COL5A2: variants seen among roughly 807,000 people sequenced by gnomAD.
The protein encoded by COL5A2 is collagen alpha-2(V) chain.
COL5A2 carries 23 observed loss-of-function variants against 208.2 expected under a neutral mutation model. The observed-to-expected ratio is 0.11, with a 90% CI of 0.08 to 0.16. The LOEUF (loss-of-function observed/expected upper bound fraction) is 0.16, where lower values mean the gene tolerates loss of function less well. Ranked by LOEUF, COL5A2 falls within the 10% of genes least tolerant of loss-of-function variation. The pLI is 1.00. For synonymous variants in COL5A2, 625 were observed against 628.5 expected (o/e 0.99, Z 0.08); for missense variants, 1,590 against 1,956.4 (o/e 0.81, Z 3.53).
the COL5A2 span, among the ~76,000 whole-genome samples, chr2:189,380,294 A>G: frequency 2.6e-5 from 4 of 152,048 alleles, no homozygotes; most frequent in African/African-American, 9.7e-5. Context: ...ATTGTCACAC[A>G]TAAAGTTTTT....
intron 18 of COL5A2, among the ~76,000 whole-genome samples, chr2:189,070,549 A>G (rs1686251776): frequency 6.6e-6 from 1 of 152,206 alleles, no homozygotes; most frequent in Non-Finnish European, 1.5e-5. Context: ...TCAGTAGCCA[A>G]CAACCAGTAC....
the COL5A2 span, among the ~76,000 whole-genome samples, chr2:189,354,952 T>A: frequency 6.6e-6 from 1 of 152,240 alleles, no homozygotes; most frequent in Non-Finnish European, 1.5e-5. Context: ...CTGCTTTAAA[T>A]GTGTCCCAGA....
At chr2:189,267,296 C>T in the COL5A2 span, among the ~76,000 whole-genome samples, 1 of 151,932 alleles carries the variant, frequency 6.6e-6, no homozygotes, top group Non-Finnish European at 1.5e-5. Context: ...TATATTTTTC[C>T]AAAAATTCTT....
chr2:189,073,193 T>C (rs1163391685), intron 17 of COL5A2, among the ~76,000 whole-genome samples: 3 of 152,100 alleles, frequency 2.0e-5, no homozygotes, highest in Non-Finnish European at 4.4e-5. Flanking sequence ...CCTACAATAC[T>C]TTCTCTCTTT....
At chr2:189,161,185 A>G (rs1688356918) in intron 1 of COL5A2, among the ~76,000 whole-genome samples, 1 of 150,908 alleles carries the variant, frequency 6.6e-6, no homozygotes, top group Non-Finnish European at 1.5e-5. Flanking sequence ...GCTAGTTACT[A>G]TACATCTATC....
rs141644853 is a variant in COL5A2 at position 189,050,661 on chromosome 2, G to A, written c.2947C>T (p.Pro983Ser). Reference sequence around the variant, plus strand: ...TGCCCGGTCGTTCCAGCTGGACCAGGGGGGCCATCTGGACCCTAATGTTGA... The same window carrying A: ...TGCCCGGTCGTTCCAGCTGGACCAGAGGGGCCATCTGGACCCTAATGTTGA... ...EDGQPGPDGP[P>S]GPAGTTGQRG... The change falls in exon 43 of 54, where the codon CCT (proline) becomes TCT (serine). Residue 983 changes from proline to serine, a missense_variant. By Grantham distance (74) the Pro-to-Ser change is moderately conservative. Coordinates refer to ENST00000374866, the MANE Select transcript of COL5A2 (RefSeq NM_000393.5). 131 of 1,552,118 alleles carry A rather than the reference G, an allele frequency of 8.4e-5. No homozygotes were observed. The African/African-American group carries it at 1.6e-3, about 19-fold the overall frequency.
chr2:189,325,068 C>CA, the COL5A2 span, among the ~76,000 whole-genome samples: 21,424 of 149,752 alleles, frequency 0.14, 1,942 homozygotes, highest in South Asian at 0.21. Context: ...ATCGCAAGGA[C>CA]AAAAAATCAA....
At chr2:189,316,569 A>C in the COL5A2 span, among the ~76,000 whole-genome samples, 1 of 152,104 alleles carries the variant, frequency 6.6e-6, no homozygotes, top group African/African-American at 2.4e-5. Flanking sequence ...AGAGAGAACA[A>C]CACAAACTGG....
intron 1 of COL5A2, among the ~76,000 whole-genome samples, chr2:189,194,467 A>G (rs866953570): frequency 2.7e-4 from 41 of 152,166 alleles, no homozygotes; most frequent in African/African-American, 9.9e-4. Context: ...TGCTTGACAT[A>G]ATGCTTTTTT....
rs896071072 is a variant in COL5A2, at chr2:189,179,693, C to A, written c.-89G>T. On this transcript the variant is annotated 5_prime_UTR_variant, in exon 1 of 54. Coordinates refer to ENST00000374866, the MANE Select transcript of COL5A2 (RefSeq NM_000393.5). Reference sequence around the variant, plus strand: ...ACCATGAAGTCAGCTGTGGGCTCTTCTTTCAGCACCAGCCCCAGGGCAGCC... The same window carrying A: ...ACCATGAAGTCAGCTGTGGGCTCTTATTTCAGCACCAGCCCCAGGGCAGCC... The A allele has an allele frequency of 3.2e-6, 5 of 1,543,888 alleles. No homozygotes were observed. Among genetic ancestry groups the A allele is most frequent in the Non-Finnish European group, 4.4e-6 (5 of 1,147,090 alleles).
chr2:189,147,303 C>T (rs961733931), intron 1 of COL5A2, among the ~76,000 whole-genome samples: 6 of 151,970 alleles, frequency 3.9e-5, no homozygotes, highest in Non-Finnish European at 8.8e-5. Context: ...GAACAGTAAG[C>T]CAAGACATAT....
At chr2:189,083,754 T>C (rs1686589946) in intron 12 of COL5A2, among the ~76,000 whole-genome samples, 1 of 152,150 alleles carries the variant, frequency 6.6e-6, no homozygotes, top group South Asian at 2.1e-4. Flanking sequence ...ATGTTCAATA[T>C]ACTTCTCTAG....
the COL5A2 span, among the ~76,000 whole-genome samples, chr2:189,247,893 G>C: frequency 6.6e-6 from 1 of 152,068 alleles, no homozygotes; most frequent in African/African-American, 2.4e-5. Flanking sequence ...AGTTTTTCAA[G>C]TTTTAAAACT....
At chr2:189,293,350 C>T in the COL5A2 span, among the ~76,000 whole-genome samples, 7 of 152,104 alleles carry the variant, frequency 4.6e-5, no homozygotes, top group Admixed American at 1.3e-4. Context: ...AATTCTCAAC[C>T]GGTGACTAAT....
chr2:189,170,093 C>A (rs1045409811), intron 1 of COL5A2, among the ~76,000 whole-genome samples: 1 of 152,078 alleles, frequency 6.6e-6, no homozygotes, highest in Non-Finnish European at 1.5e-5. Context: ...GGAGTCACTG[C>A]TATCATGTAG....
chr2:189,147,701 T>G (rs536953668), intron 1 of COL5A2, among the ~76,000 whole-genome samples: 1 of 152,234 alleles, frequency 6.6e-6, no homozygotes, highest in South Asian at 2.1e-4. Context: ...TTCCTAGGAC[T>G]ACAGTGCTAT....
At chr2:189,412,678 T>C in the COL5A2 span, among the ~76,000 whole-genome samples, 1 of 152,178 alleles carries the variant, frequency 6.6e-6, no homozygotes, top group African/African-American at 2.4e-5. Context: ...GAATACAAGA[T>C]CTTCTGCAAT....
intron 1 of COL5A2, among the ~76,000 whole-genome samples, chr2:189,140,443 T>C (rs1479684868): frequency 6.6e-6 from 1 of 152,150 alleles, no homozygotes; most frequent in Non-Finnish European, 1.5e-5. Context: ...TGGCATTATA[T>C]TATAAAACAA....
Position 189,052,730 on chromosome 2 carries a change from G to C in COL5A2, c.2715+19C>G, listed in dbSNP as rs1242227922. On this transcript the variant is annotated intron_variant, in intron 40 of 53. Transcript: ENST00000374866. ...TAGAATTAGCTGTGCATACTTTGCAGAGCATCAAATAAACTTACAGGCGGA... is the reference window on the plus strand; with the variant it reads ...TAGAATTAGCTGTGCATACTTTGCACAGCATCAAATAAACTTACAGGCGGA... 6.2e-7 allele frequency: 1 copy of C among 1,610,896 alleles called. No homozygotes were observed. The highest frequency in any genetic ancestry group is 1.1e-5 in the South Asian group (1 of 91,006).
Sources: gnomAD v4.1 joint callset for allele counts (sites outside exome capture counted in the v4.1 genomes callset) on GRCh38, gnomAD v4.1.1 for gene constraint, MANE v1.5 for transcripts, NCBI Gene and HGNC (gene_info 2026-07-23, HGNC 2026-07-21) for gene names.